TOM1: variants seen among roughly 807,000 people sequenced by gnomAD.
TOM1 encodes target of myb1 membrane trafficking protein, also known as target of Myb protein 1.
A neutral mutation model predicts 61.3 loss-of-function variants in TOM1; 38 were observed. The ratio of observed to expected loss-of-function variants is 0.62; its 90% CI spans 0.48 to 0.81. The LOEUF (loss-of-function observed/expected upper bound fraction) is 0.81. Ranked by LOEUF, TOM1 falls within the 40% of genes least tolerant of loss-of-function variation. TOM1 has a pLI of 0.00. For synonymous variants in TOM1, 270 were observed against 268.8 expected (o/e 1.00, Z -0.04); for missense variants, 591 against 659.6 (o/e 0.90, Z 1.14).
chr22:35,339,424 C>G (rs1039171484), intron 12 of TOM1, among the ~76,000 whole-genome samples: 20 of 152,176 alleles, frequency 1.3e-4, no homozygotes, highest in African/African-American at 4.6e-4. Flanking sequence ...AAATGACTGG[C>G]CTTTCTGACC....
intron 2 of TOM1, among the ~76,000 whole-genome samples, chr22:35,319,753 G>GGCCAAGACCAGGAT (rs1927609463): frequency 6.6e-6 from 1 of 152,220 alleles, no homozygotes; most frequent in Non-Finnish European, 1.5e-5. Context: ...AAGACCAGGA[G>GGCCAAGACCAGGAT]CCAGGGACGG....
intron 11 of TOM1, 87 bp from the exon 12 acceptor site, chr22:35,338,626 C>T (rs1285205327): frequency 2.5e-5 from 27 of 1,085,934 alleles, no homozygotes; most frequent in Middle Eastern, 2.1e-4. Context: ...GGATGGGAGC[C>T]GTCAATCTGT....
At chr22:35,346,995 C>G in intron 14 of TOM1, 26 bp downstream of exon 14, 1 of 1,607,500 alleles carries the variant, frequency 6.2e-7, no homozygotes, top group Non-Finnish European at 8.5e-7. Context: ...CCTGCCCGCC[C>G]TCTCCTTTCC....
Position 35,323,294 on chromosome 22 carries a change from G to A in TOM1, c.366+117G>A, listed in dbSNP as rs1490033007. On this transcript the variant is annotated intron_variant, in intron 4 of 14. Transcript: ENST00000449058. The surrounding 1 kb of genome is among the most constrained non-coding windows in gnomAD (Gnocchi z 4.2). ...CCCAGGCTCCGCTTCTCATTTCGGG[G>A]CGTCTCGGTTGTCGGCTGGTGGGAT... 9 of 1,469,840 alleles carry A rather than the reference G, an allele frequency of 6.1e-6. No homozygotes were observed. Among genetic ancestry groups the A allele is most frequent in the East Asian group, 2.3e-5 (1 of 43,890 alleles). 91.0% of individuals were successfully genotyped at this position (1,469,840 alleles called of 1,614,324 possible). A position where few individuals can be genotyped will look rare whatever the true frequency, so the allele number is the denominator to read the frequency against.
rs1175917733 is a variant in TOM1 at position 35,323,966 on chromosome 22, CGTCAGGGAGGGCCCCCT to C, written c.648+58_648+74del. 16 of 1,504,504 alleles carry C rather than the reference CGTCAGGGAGGGCCCCCT, an allele frequency of 1.1e-5. No homozygotes were observed. In the Admixed American group the frequency reaches 3.7e-4, roughly 35 times the overall value. The allele number at this position is 1,504,504 out of a possible 1,614,324, so 93.2% of individuals were successfully genotyped here. A position where few individuals can be genotyped will look rare whatever the true frequency, so the allele number is the denominator to read the frequency against. On this transcript the variant is annotated intron_variant, in intron 6 of 14. Transcript: ENST00000449058. This position sits in a 1 kb window ranked among gnomAD's most constrained non-coding sequence, Gnocchi z 4.2. ...CAGGTCCAGGCAGGTGGGCCACACACGTCAGGGAGGGCCCCCTGTCAGAATTTACCATCCACGGAGCC... is the reference window on the plus strand; with the variant it reads ...CAGGTCCAGGCAGGTGGGCCACACACGTCAGAATTTACCATCCACGGAGCC...
intron 12 of TOM1, chr22:35,345,017 A>G (rs890213058): frequency 1.3e-5 from 2 of 153,312 alleles, no homozygotes; most frequent in African/African-American, 4.8e-5. Flanking sequence ...ATGACCTCCA[A>G]CTGGAGTCTG....
At position 35,338,768 on chromosome 22, in the gene TOM1, CG is replaced by C; in HGVS notation, c.1206del (p.Gln403SerfsTer150). On this transcript the variant is annotated frameshift_variant, in exon 12 of 15. Coordinates refer to ENST00000449058, the MANE Select transcript of TOM1 (RefSeq NM_005488.3). LOFTEE classifies it high-confidence loss of function. ...TDGLAGALDA[R>X]QQSTGAIPVT... is the part of the protein sequence containing the mutation. ...CGGCCTGGCTGGAGCCCTGGACGCC[CG>C]GCAGCAGAGCACTGGCGCGGTAAGC... 1 of 1,601,084 alleles carries C rather than the reference CG, an allele frequency of 6.2e-7. No homozygotes were observed. The highest frequency in any genetic ancestry group is 8.5e-7 in the Non-Finnish European group (1 of 1,174,958).
Position 35,323,994 on chromosome 22 carries a change from A to C in TOM1, c.648+80A>C. ...CAGGGAGGGCCCCCTGTCAGAATTT[A>C]CCATCCACGGAGCCTCCACTTCTTC... On this transcript the variant is annotated intron_variant, in intron 6 of 14. Coordinates refer to ENST00000449058, the MANE Select transcript of TOM1 (RefSeq NM_005488.3). The surrounding 1 kb of genome is among the most constrained non-coding windows in gnomAD (Gnocchi z 4.2). 2 of 1,475,540 alleles carry C rather than the reference A, an allele frequency of 1.4e-6. No individual in the cohort carries two copies. 91.4% of individuals were successfully genotyped at this position (1,475,540 alleles called of 1,614,324 possible).
Position 35,347,521 on chromosome 22 carries a change from T to C in TOM1, c.*312T>C, listed in dbSNP as rs1930614906. The C allele has an allele frequency of 3.6e-6, 1 of 276,072 alleles. No individual in the cohort carries two copies. Among genetic ancestry groups the C allele is most frequent in the South Asian group, 7.6e-5 (1 of 13,190 alleles). The allele number at this position is 276,072 out of a possible 1,614,324, so 17.1% of individuals were successfully genotyped here. A position where few individuals can be genotyped will look rare whatever the true frequency, so the allele number is the denominator to read the frequency against. On this transcript the variant is annotated 3_prime_UTR_variant, in exon 15 of 15. Coordinates refer to ENST00000449058, the MANE Select transcript of TOM1 (RefSeq NM_005488.3). ...CTGGCTGGCTGGCTGCTTGACCCAG[T>C]GTGACTCTCCTTCACTGAGTGATAC... is the stretch of plus-strand genomic sequence containing the variant.
At position 35,330,966 on chromosome 22, in the gene TOM1, G is replaced by C. The variant is rs1928789718; in HGVS notation, c.899+486G>C. 4.6e-5 allele frequency among the ~76,000 whole-genome samples: 7 copies of C among 152,304 alleles called. No homozygotes were observed. The South Asian group carries it at 1.4e-3, about 32-fold the overall frequency. ...AAAGTGAAACTGATGTCTCCCAACAGAACAAGAAAGATGGATCCCAGGGCA... is the reference window on the plus strand; with the variant it reads ...AAAGTGAAACTGATGTCTCCCAACACAACAAGAAAGATGGATCCCAGGGCA... On this transcript the variant is annotated intron_variant, in intron 8 of 14. Transcript: ENST00000449058.
chr22:35,322,359 C>T lies in TOM1; in HGVS notation c.216+322C>T, dbSNP rs8139565. 129 of 316,030 alleles carry T rather than the reference C, an allele frequency of 4.1e-4. No individual in the cohort carries two copies. The South Asian group carries it at 5.5e-3, about 14-fold the overall frequency. 19.6% of individuals were successfully genotyped at this position (316,030 alleles called of 1,614,324 possible). A position where few individuals can be genotyped will look rare whatever the true frequency, so the allele number is the denominator to read the frequency against. On this transcript the variant is annotated intron_variant, in intron 3 of 14. Transcript: ENST00000449058. ...CAGGCCTCCGCGGGGGCAGGGAGGC[C>T]GGCTGACTGAGTTGGGTGCTGCTCG...
In TOM1 at chr22:35,346,458, G is replaced by A. The variant is rs1930507714; in HGVS notation, c.1285-472G>A. Among the ~76,000 whole-genome samples the A allele has an allele frequency of 3.9e-5, 6 of 152,252 alleles. No homozygotes were observed. The South Asian group carries it at 1.2e-3, about 31-fold the overall frequency. On this transcript the variant is annotated intron_variant, in intron 13 of 14. Transcript: ENST00000449058. ...GACTCAGGCTTTCTGTCTGGTGGCA[G>A]AAGCCTCACCCCCTCCCTAGTTTGC...
At chr22:35,321,914 A>C (rs202210239) in intron 2 of TOM1, 45 bp from the exon 3 acceptor site, 91 of 1,517,542 alleles carry the variant, frequency 6.0e-5, no homozygotes, top group Non-Finnish European at 7.3e-5. Flanking sequence ...GTGTTAGGTA[A>C]GGGGGCTCTA....
intron 7 of TOM1, among the ~76,000 whole-genome samples, chr22:35,330,005 C>T (rs374166505): frequency 2.6e-5 from 4 of 152,098 alleles, no homozygotes; most frequent in Admixed American, 1.3e-4. Context: ...CTTGGCCAGG[C>T]GCGGTGGCTC....
intron 9 of TOM1, 166 bp from the exon 10 acceptor site, chr22:35,333,238 T>G: frequency 1.3e-6 from 1 of 793,974 alleles, no homozygotes; most frequent in South Asian, 1.7e-5. Context: ...GGAGTCCAGT[T>G]GAGCTGGAGC....
At chr22:35,314,477 C>T (rs1327071560) in intron 1 of TOM1, among the ~76,000 whole-genome samples, 1 of 152,106 alleles carries the variant, frequency 6.6e-6, no homozygotes, top group African/African-American at 2.4e-5. Context: ...TCTGCTCCCA[C>T]CTGATTGCCG....
intron 1 of TOM1, among the ~76,000 whole-genome samples, chr22:35,312,407 G>A (rs1224416016): frequency 6.6e-6 from 1 of 152,162 alleles, no homozygotes; most frequent in Non-Finnish European, 1.5e-5. Context: ...AACCACCACT[G>A]GGGCAGGACC....
chr22:35,313,344 CAA>C (rs911758207), intron 1 of TOM1, among the ~76,000 whole-genome samples: 3 of 138,168 alleles, frequency 2.2e-5, no homozygotes, highest in Admixed American at 7.4e-5. Context: ...GAGACTGTCT[CAA>C]AAAAAAAAAA....
At chr22:35,339,339 A>G (rs1188050307) in intron 12 of TOM1, among the ~76,000 whole-genome samples, 6 of 152,022 alleles carry the variant, frequency 3.9e-5, no homozygotes, top group Admixed American at 1.3e-4. Context: ...TCAAAAAAAA[A>G]AGAAAGAAAC....
Sources: gnomAD v4.1 joint callset for allele counts (sites outside exome capture counted in the v4.1 genomes callset) on GRCh38, gnomAD v4.1.1 for gene constraint, Gnocchi (gnomAD v3.1) non-coding constraint, MANE v1.5 for transcripts, NCBI Gene and HGNC (gene_info 2026-07-23, HGNC 2026-07-21) for gene names.